The following MYO5B variants were observed in gnomAD, a reference collection of about 807,000 sequenced individuals.
The protein encoded by MYO5B is unconventional myosin-Vb.
In MYO5B, 143 loss-of-function variants were observed where a neutral mutation model predicts 229.3. The observed-to-expected ratio is 0.62, with a 90% CI of 0.54 to 0.72. The LOEUF is 0.72. Ranked by LOEUF, MYO5B falls within the 30% of genes least tolerant of loss-of-function variation. The pLI, the probability that MYO5B is intolerant of heterozygous loss-of-function variation, is 0.00. For missense variants in MYO5B, 2,321 were observed against 2,331.0 expected, an observed-to-expected ratio of 1.00 and a Z score of 0.09; for synonymous variants, 918 against 885.2, an observed-to-expected ratio of 1.04 and a Z score of -0.66.
chr18:49,956,815 C>A (rs16951308), intron 12 of MYO5B, among the ~76,000 whole-genome samples: 2 of 152,052 alleles, frequency 1.3e-5, no homozygotes, highest in African/African-American at 2.4e-5. Context: ...GTGGTACTGG[C>A]CACTGATCAC....
At chr18:49,926,820 C>A (rs1298396407) in intron 17 of MYO5B, among the ~76,000 whole-genome samples, 1 of 152,184 alleles carries the variant, frequency 6.6e-6, no homozygotes, top group African/African-American at 2.4e-5. Context: ...TATAACCACA[C>A]AATGGAATAT....
chr18:50,157,414 C>T (rs1314729079), intron 1 of MYO5B, among the ~76,000 whole-genome samples: 2 of 152,288 alleles, frequency 1.3e-5, no homozygotes, highest in East Asian at 3.9e-4. Context: ...ACCAAAATAT[C>T]CTATGTGATC....
intron 17 of MYO5B, among the ~76,000 whole-genome samples, chr18:49,912,776 G>T (rs1017217764): frequency 6.6e-6 from 1 of 152,130 alleles, no homozygotes; most frequent in African/African-American, 2.4e-5. Context: ...ACCCAGTCTC[G>T]ATTATGTCTT....
intron 27 of MYO5B, among the ~76,000 whole-genome samples, chr18:49,868,794 G>A (rs747575098): frequency 2.0e-5 from 3 of 152,216 alleles, no homozygotes; most frequent in Non-Finnish European, 4.4e-5. Context: ...ACAATGCTCT[G>A]CAGGAGTGAC....
intron 1 of MYO5B, among the ~76,000 whole-genome samples, chr18:50,077,635 A>G (rs905276383): frequency 3.3e-5 from 5 of 152,146 alleles, no homozygotes; most frequent in Non-Finnish European, 7.3e-5. Context: ...TAGTTTTTAA[A>G]ATCTGTTTAA....
chr18:50,006,571 C>T lies in MYO5B; in HGVS notation c.456-5160G>A, dbSNP rs562025844. On this transcript the variant is annotated intron_variant, in intron 4 of 39. Coordinates refer to ENST00000285039, the MANE Select transcript of MYO5B (RefSeq NM_001080467.3). ...GACAACCAACACATCCACACACACA[C>T]TACCTCCCCAGTTCACACTGGCCCC... Among the ~76,000 whole-genome samples the T allele has an allele frequency of 3.7e-4, 57 of 152,322 alleles. 1 individual carries two copies. In the South Asian group the frequency reaches 7.3e-3, roughly 19 times the overall value.
chr18:50,078,354 A>G (rs1451134350), intron 1 of MYO5B, among the ~76,000 whole-genome samples: 1 of 152,204 alleles, frequency 6.6e-6, no homozygotes, highest in Non-Finnish European at 1.5e-5. Flanking sequence ...CAAAGGCGAG[A>G]AAGCACATTT....
intron 27 of MYO5B, among the ~76,000 whole-genome samples, chr18:49,865,007 A>G (rs1488195629): frequency 6.6e-6 from 1 of 152,234 alleles, no homozygotes; most frequent in African/African-American, 2.4e-5. Context: ...AACATACTTC[A>G]TATTTTCTGG....
chr18:50,150,554 A>G (rs1025315449), intron 1 of MYO5B, among the ~76,000 whole-genome samples: 25 of 151,454 alleles, frequency 1.7e-4, no homozygotes, highest in Non-Finnish European at 3.4e-4. Context: ...GAAATTGGAA[A>G]TCATCATTCT....
At chr18:50,045,542 T>C (rs1290275209) in intron 2 of MYO5B, among the ~76,000 whole-genome samples, 1 of 152,116 alleles carries the variant, frequency 6.6e-6, no homozygotes, top group African/African-American at 2.4e-5. Flanking sequence ...TACAGTTATG[T>C]GCCATCACAC....
chr18:50,174,224 A>G (rs1167351161), intron 1 of MYO5B, among the ~76,000 whole-genome samples: 2 of 152,196 alleles, frequency 1.3e-5, no homozygotes, highest in African/African-American at 4.8e-5. Flanking sequence ...AAAGATACAT[A>G]AAAGGAGGTT....
chr18:50,194,705 T>A, intron 1 of MYO5B, 62 bp downstream of exon 1: 2 of 1,218,340 alleles, frequency 1.6e-6, no homozygotes, highest in East Asian at 6.0e-5. Context: ...CGACCCTGAG[T>A]ACTAGGTGGC....
Position 49,890,529 on chromosome 18 carries a change from C to G in MYO5B, c.3045+4412G>C, listed in dbSNP as rs190024682. Among the ~76,000 whole-genome samples the G allele has an allele frequency of 4.4e-3, 668 of 152,296 alleles. 4 individuals are homozygous for G. Among genetic ancestry groups the G allele is most frequent in the Non-Finnish European group, 7.0e-3 (473 of 68,024 alleles). On this transcript the variant is annotated intron_variant, in intron 22 of 39. Transcript: ENST00000285039. Reference sequence around the variant, plus strand: ...ACCTATATTAAGTTAAGTAAATGCCCCAGCAACATGCTAAAGAACTGTCTT... The same window carrying G: ...ACCTATATTAAGTTAAGTAAATGCCGCAGCAACATGCTAAAGAACTGTCTT...
At chr18:49,999,185 AAAG>A (rs1357262511) in intron 5 of MYO5B, among the ~76,000 whole-genome samples, 2 of 152,224 alleles carry the variant, frequency 1.3e-5, no homozygotes, top group Non-Finnish European at 2.9e-5. Context: ...TCTATTTCTA[AAAG>A]AAGTAGTACA....
At chr18:50,097,503 G>A in intron 1 of MYO5B, 1 of 328,272 alleles carries the variant, frequency 3.0e-6, no homozygotes, top group Non-Finnish European at 6.1e-6. Context: ...AGAAATCGCG[G>A]TGTTATTTAA....
At chr18:49,957,672 C>CAAAAA (rs1310685844) in intron 12 of MYO5B, among the ~76,000 whole-genome samples, 4 of 106,324 alleles carry the variant, frequency 3.8e-5, no homozygotes, top group African/African-American at 1.6e-4. Context: ...CAAAACAAAA[C>CAAAAA]AAAAAAAGCC....
chr18:49,858,065 A>T (rs2024283710), intron 29 of MYO5B, among the ~76,000 whole-genome samples: 1 of 152,160 alleles, frequency 6.6e-6, no homozygotes, highest in African/African-American at 2.4e-5. Flanking sequence ...AACCAAAAAT[A>T]AAATCCTAAG....
chr18:50,038,677 T>C (rs1219809626), intron 3 of MYO5B, among the ~76,000 whole-genome samples: 1 of 152,208 alleles, frequency 6.6e-6, no homozygotes, highest in Non-Finnish European at 1.5e-5. Context: ...CTCAGACTTC[T>C]GTGCCATTCA....
At chr18:50,038,822 G>C (rs1467609849) in intron 3 of MYO5B, among the ~76,000 whole-genome samples, 4 of 152,172 alleles carry the variant, frequency 2.6e-5, no homozygotes, top group African/African-American at 4.8e-5. Flanking sequence ...TAAAATAGGA[G>C]TCAAATTTTA....
Sources: gnomAD v4.1 joint callset for allele counts (sites outside exome capture counted in the v4.1 genomes callset) on GRCh38, gnomAD v4.1.1 for gene constraint, MANE v1.5 for transcripts, NCBI Gene and HGNC (gene_info 2026-07-23, HGNC 2026-07-21) for gene names.